RIMS2: variants seen among roughly 807,000 people sequenced by gnomAD.
The protein encoded by RIMS2 is regulating synaptic membrane exocytosis 2.
Under a neutral mutation model 174.4 loss-of-function variants are expected in RIMS2, and 59 were observed. That is an observed-to-expected ratio of 0.34 (90% CI 0.27 to 0.42). The LOEUF is 0.42. RIMS2 is among the 10% of genes least tolerant of loss of function. RIMS2 has a pLI of 1.00. For synonymous variants in RIMS2, 606 were observed against 572.5 expected (o/e 1.06, Z -0.84); for missense variants, 1,620 against 1,666.3 (o/e 0.97, Z 0.48).
chr8:103,926,456 A>G (rs2078795255), intron 10 of RIMS2, among the ~76,000 whole-genome samples: 2 of 151,656 alleles, frequency 1.3e-5, no homozygotes, highest in African/African-American at 4.8e-5. Flanking sequence ...TTTGAAAGAG[A>G]CAGAGACAGA....
chr8:104,155,736 C>A (rs2098719868), intron 19 of RIMS2, among the ~76,000 whole-genome samples: 2 of 152,058 alleles, frequency 1.3e-5, no homozygotes, highest in Admixed American at 1.3e-4. Context: ...TTCAACTACA[C>A]TAACAATGAG....
At chr8:104,231,096 C>T (rs1350137377) in intron 19 of RIMS2, among the ~76,000 whole-genome samples, 3 of 152,136 alleles carry the variant, frequency 2.0e-5, no homozygotes, top group East Asian at 1.9e-4. Context: ...TCTCAGTTCT[C>T]GTTTTTCTTT....
At chr8:103,854,939 GTTC>G (rs1437981679) in intron 3 of RIMS2, among the ~76,000 whole-genome samples, 1 of 152,036 alleles carries the variant, frequency 6.6e-6, no homozygotes, top group Non-Finnish European at 1.5e-5. Flanking sequence ...ATTGGTATTA[GTTC>G]TTCTTTGTAT....
At chr8:103,655,058 T>C (rs73696700) in intron 1 of RIMS2, among the ~76,000 whole-genome samples, 9,086 of 151,914 alleles carry the variant, frequency 0.06, 907 homozygotes, top group African/African-American at 0.2. Flanking sequence ...TTTAGCATAA[T>C]AGGAAGATTT....
chr8:103,769,492 T>A (rs1564570511), intron 3 of RIMS2, among the ~76,000 whole-genome samples: 1 of 151,970 alleles, frequency 6.6e-6, no homozygotes, highest in Non-Finnish European at 1.5e-5. Context: ...CCTGGCTAAT[T>A]TTTTTGTATT....
At chr8:103,705,558 C>A (rs577295975) in intron 2 of RIMS2, among the ~76,000 whole-genome samples, 1 of 152,030 alleles carries the variant, frequency 6.6e-6, no homozygotes, top group Non-Finnish European at 1.5e-5. Context: ...TTGATATTCA[C>A]CAATGTTATC....
chr8:103,872,844 C>G (rs1184925166), intron 3 of RIMS2, among the ~76,000 whole-genome samples: 2 of 152,146 alleles, frequency 1.3e-5, no homozygotes, highest in Non-Finnish European at 2.9e-5. Context: ...TTTGTCAGAC[C>G]AGGCACACTG....
intron 1 of RIMS2, among the ~76,000 whole-genome samples, chr8:103,628,543 G>A (rs35183188): frequency 0.2 from 30,681 of 151,442 alleles, 3,978 homozygotes; most frequent in Non-Finnish European, 0.28. Context: ...TAGAAGAGAC[G>A]GGGTTTCTCC....
At position 103,788,597 on chromosome 8, in the gene RIMS2, A is replaced by G. The variant is rs1343115131; in HGVS notation, c.698+22060A>G. 2.6e-5 allele frequency among the ~76,000 whole-genome samples: 4 copies of G among 151,936 alleles called. 1 individual carries two copies. Among genetic ancestry groups the G allele is most frequent in the Non-Finnish European group, 4.4e-5 (3 of 67,968 alleles). ...TTAGGCTGCTCGGGGGTCAGGGGTC[A>G]GGGACCCACTCGAGGAGACAGTTTG... On this transcript the variant is annotated intron_variant, in intron 3 of 23. Coordinates refer to ENST00000504942, the Ensembl canonical transcript of RIMS2.
chr8:104,171,622 T>C (rs370651210), intron 19 of RIMS2, among the ~76,000 whole-genome samples: 1 of 152,138 alleles, frequency 6.6e-6, no homozygotes, highest in African/African-American at 2.4e-5. Flanking sequence ...ATCAACCTTC[T>C]GAATTTTTTA....
intron 1 of RIMS2, among the ~76,000 whole-genome samples, chr8:103,670,469 G>A (rs1314395338): frequency 6.6e-6 from 1 of 152,120 alleles, no homozygotes; most frequent in African/African-American, 2.4e-5. Flanking sequence ...CTTTTCAGTC[G>A]CATTGTCAGG....
chr8:103,699,723 C>CTA (rs1372404041), intron 2 of RIMS2, among the ~76,000 whole-genome samples: 1 of 152,060 alleles, frequency 6.6e-6, no homozygotes, highest in Non-Finnish European at 1.5e-5. Flanking sequence ...GGGTCACATG[C>CTA]TATAAATGTT....
At chr8:103,902,655 T>A (rs1373679371) in intron 4 of RIMS2, among the ~76,000 whole-genome samples, 3 of 152,158 alleles carry the variant, frequency 2.0e-5, no homozygotes, top group Non-Finnish European at 4.4e-5. Flanking sequence ...TTAGTGACTA[T>A]CTTATGAGAG....
chr8:104,189,957 G>A (rs942588803), intron 19 of RIMS2, among the ~76,000 whole-genome samples: 1 of 151,874 alleles, frequency 6.6e-6, no homozygotes, highest in Non-Finnish European at 1.5e-5. Context: ...AAGGGTCATT[G>A]GCCTCTCCTA....
At chr8:104,177,691 G>T (rs2098912250) in intron 19 of RIMS2, among the ~76,000 whole-genome samples, 1 of 152,070 alleles carries the variant, frequency 6.6e-6, no homozygotes, top group South Asian at 2.1e-4. Flanking sequence ...TAAACAAATT[G>T]TAATTCACTG....
intron 2 of RIMS2, among the ~76,000 whole-genome samples, chr8:103,745,012 A>C (rs2097795081): frequency 6.6e-6 from 1 of 152,200 alleles, no homozygotes; most frequent in Non-Finnish European, 1.5e-5. Flanking sequence ...AGCTACATTA[A>C]AACATTTTTT....
intron 1 of RIMS2, among the ~76,000 whole-genome samples, chr8:103,651,952 A>G (rs1398796605): frequency 6.6e-6 from 1 of 152,318 alleles, no homozygotes; most frequent in Non-Finnish European, 1.5e-5. Flanking sequence ...AATATTCAGA[A>G]AACTTCAGGA....
intron 19 of RIMS2, among the ~76,000 whole-genome samples, chr8:104,185,212 G>A (rs115997627): frequency 5.7e-4 from 87 of 151,522 alleles, no homozygotes; most frequent in African/African-American, 2.0e-3. Flanking sequence ...GCTTAATTAA[G>A]CCAGTTATTA....
intron 17 of RIMS2, 94 bp from the exon 20 acceptor site, chr8:104,013,348 C>A: frequency 1.0e-6 from 1 of 989,664 alleles, no homozygotes; most frequent in South Asian, 1.8e-5. Context: ...TAATTTTAAA[C>A]AATTACCTTT....
Sources: gnomAD v4.1 joint callset for allele counts (sites outside exome capture counted in the v4.1 genomes callset) on GRCh38, gnomAD v4.1.1 for gene constraint, MANE v1.5 for transcripts, NCBI Gene and HGNC (gene_info 2026-07-23, HGNC 2026-07-21) for gene names.